The following NTM variants were observed in gnomAD, a reference collection of about 807,000 sequenced individuals.
NTM encodes the protein neurotrimin, also known as IgLON family member 2.
NTM carries 13 observed loss-of-function variants against 42.1 expected under a neutral mutation model. The ratio of observed to expected loss-of-function variants is 0.31; its 90% CI spans 0.20 to 0.49. NTM has a LOEUF of 0.49. Ranked by LOEUF, NTM falls within the 20% of genes least tolerant of loss-of-function variation. The pLI, the probability that NTM is intolerant of heterozygous loss-of-function variation, is 0.99. For synonymous variants in NTM, 187 were observed against 179.2 expected (o/e 1.04, Z -0.35); for missense variants, 373 against 452.8 (o/e 0.82, Z 1.60).
At chr11:132,177,802 G>A (rs925372635) in intron 3 of NTM, among the ~76,000 whole-genome samples, 9 of 152,172 alleles carry the variant, frequency 5.9e-5, no homozygotes, top group Non-Finnish European at 7.3e-5. Flanking sequence ...TTCATCTGTC[G>A]TATGACTATG....
At chr11:131,513,547 G>C (rs1333665711) in intron 1 of NTM, among the ~76,000 whole-genome samples, 1 of 152,248 alleles carries the variant, frequency 6.6e-6, no homozygotes, top group African/African-American at 2.4e-5. Context: ...TAAGGACTGA[G>C]AGCGGCTTCC....
At chr11:131,710,487 G>C (rs1470363566) in intron 1 of NTM, among the ~76,000 whole-genome samples, 1 of 152,074 alleles carries the variant, frequency 6.6e-6, no homozygotes, top group Non-Finnish European at 1.5e-5. Context: ...TGTTTCTCCA[G>C]CTCTGTACTG....
chr11:132,140,333 C>T (rs1275348302), intron 2 of NTM, among the ~76,000 whole-genome samples: 1 of 152,200 alleles, frequency 6.6e-6, no homozygotes, highest in Non-Finnish European at 1.5e-5. Context: ...TTTCCTCCCC[C>T]TAATCCTTTC....
intron 2 of NTM, among the ~76,000 whole-genome samples, chr11:131,929,268 G>C (rs1466000463): frequency 6.6e-6 from 1 of 152,138 alleles, no homozygotes; most frequent in Non-Finnish European, 1.5e-5. Flanking sequence ...TAGGAGAGAG[G>C]TTTCCGAGGC....
chr11:132,236,021 C>CACACACACACAT (rs71477750), intron 4 of NTM, among the ~76,000 whole-genome samples: 2,442 of 150,902 alleles, frequency 0.016, 38 homozygotes, highest in Middle Eastern at 0.045. Context: ...CACACACACA[C>CACACACACACAT]AACAAAATTG....
chr11:131,603,556 C>T (rs1417245500), intron 1 of NTM, among the ~76,000 whole-genome samples: 1 of 152,076 alleles, frequency 6.6e-6, no homozygotes, highest in Non-Finnish European at 1.5e-5. Context: ...TTGCAATTCA[C>T]AAGCTTAAAT....
intron 1 of NTM, among the ~76,000 whole-genome samples, chr11:131,512,221 G>A (rs453024): frequency 2.6e-5 from 4 of 152,150 alleles, no homozygotes; most frequent in East Asian, 1.9e-4. Flanking sequence ...GCATGCACAC[G>A]GTGGCATGTA....
chr11:132,273,805 G>T (rs1050931869), intron 4 of NTM, among the ~76,000 whole-genome samples: 6 of 152,156 alleles, frequency 3.9e-5, no homozygotes, highest in African/African-American at 1.4e-4. Flanking sequence ...TACTTGGGAG[G>T]CTGAGGTAGG....
chr11:131,629,505 A>T (rs1318507076), intron 1 of NTM, among the ~76,000 whole-genome samples: 1 of 152,190 alleles, frequency 6.6e-6, no homozygotes, highest in Non-Finnish European at 1.5e-5. Flanking sequence ...ACAGACACAA[A>T]TATCCATATA....
intron 1 of NTM, chr11:131,910,944 G>A: frequency 3.0e-6 from 3 of 988,244 alleles, no homozygotes; most frequent in Non-Finnish European, 3.6e-6. Flanking sequence ...CCTCCCGCGA[G>A]CTCCACTTCC....
chr11:131,816,627 C>T (rs1213485932), intron 1 of NTM, among the ~76,000 whole-genome samples: 1 of 152,036 alleles, frequency 6.6e-6, no homozygotes, highest in East Asian at 1.9e-4. Context: ...GGAGACCTGT[C>T]CCCAAATCGT....
intron 2 of NTM, among the ~76,000 whole-genome samples, chr11:131,987,173 C>T (rs1039441517): frequency 6.6e-6 from 1 of 152,126 alleles, no homozygotes; most frequent in African/African-American, 2.4e-5. Flanking sequence ...GTATAACTAG[C>T]AAGTGGTGGA....
intron 2 of NTM, among the ~76,000 whole-genome samples, chr11:132,088,527 C>T (rs1245818759): frequency 1.3e-5 from 2 of 152,102 alleles, no homozygotes; most frequent in Non-Finnish European, 2.9e-5. Context: ...AAAAAGGGGT[C>T]CTGCATGCAG....
At chr11:132,049,250 G>T (rs544077553) in intron 2 of NTM, among the ~76,000 whole-genome samples, 1 of 152,160 alleles carries the variant, frequency 6.6e-6, no homozygotes, top group Non-Finnish European at 1.5e-5. Context: ...CTTCCTCCAA[G>T]TGACCCCTGG....
At chr11:132,277,863 G>T (rs1022196773) in intron 4 of NTM, among the ~76,000 whole-genome samples, 1 of 152,152 alleles carries the variant, frequency 6.6e-6, no homozygotes, top group African/African-American at 2.4e-5. Flanking sequence ...CTGTGCTACT[G>T]TTTAATGAGA....
At chr11:131,559,158 C>T (rs566022917) in intron 1 of NTM, among the ~76,000 whole-genome samples, 203 of 152,280 alleles carry the variant, frequency 1.3e-3, no homozygotes, top group African/African-American at 4.3e-3. Flanking sequence ...CCACGGCCAG[C>T]GTGTTTTGCG....
At chr11:131,901,108 G>A (rs1382250713) in intron 1 of NTM, among the ~76,000 whole-genome samples, 3 of 152,140 alleles carry the variant, frequency 2.0e-5, no homozygotes, top group Non-Finnish European at 2.9e-5. Flanking sequence ...TACTTCACTG[G>A]TACTTTACAT....
intron 1 of NTM, among the ~76,000 whole-genome samples, chr11:131,762,711 A>G (rs868185569): frequency 1.3e-5 from 2 of 152,172 alleles, no homozygotes; most frequent in Non-Finnish European, 2.9e-5. Flanking sequence ...GTTCTCCCCA[A>G]TAGACTGCTC....
At chr11:131,692,501 C>A (rs59888327) in intron 1 of NTM, among the ~76,000 whole-genome samples, 9,764 of 152,288 alleles carry the variant, frequency 0.064, 1,069 homozygotes, top group African/African-American at 0.22. Flanking sequence ...CCAGGCAGAT[C>A]TCTGAATAAT....
Sources: gnomAD v4.1 joint callset for allele counts (sites outside exome capture counted in the v4.1 genomes callset) on GRCh38, gnomAD v4.1.1 for gene constraint, MANE v1.5 for transcripts, NCBI Gene and HGNC (gene_info 2026-07-23, HGNC 2026-07-21) for gene names.